Variants in FNDC9 observed in about 807,000 individuals in gnomAD.
The protein encoded by FNDC9 is fibronectin type III domain containing 9.
In FNDC9, 3 loss-of-function variants were observed where a neutral mutation model predicts 9.0. That is an observed-to-expected ratio of 0.33 (90% CI 0.15 to 0.86). FNDC9 has a LOEUF of 0.86. Among genes scored for constraint, FNDC9 ranks in the 40% least tolerant of loss-of-function variants. The pLI is 0.53. For missense variants in FNDC9, 279 were observed against 287.2 expected (o/e 0.97, Z 0.21); for synonymous variants, 114 against 115.6 (o/e 0.99, Z 0.09).
rs1018243503 is a variant in FNDC9, at chr5:157,341,789, A to C, written c.*1073T>G. ...CTGTGATTCTGGGATTTTGTGCTCT[A>C]TAGATATAAGAGGGTACTGGGAAGG... On this transcript the variant is annotated 3_prime_UTR_variant, in exon 2 of 2. Transcript: ENST00000312349. 6.5e-6 allele frequency: 1 copy of C among 155,026 alleles called. No individual in the cohort carries two copies. Among genetic ancestry groups the C allele is most frequent in the Non-Finnish European group, 1.4e-5 (1 of 70,100 alleles). The allele number at this position is 155,026 out of a possible 1,614,324, so 9.6% of individuals were successfully genotyped here.
At position 157,343,109 on chromosome 5, in the gene FNDC9, G is replaced by A. The variant is rs144888112; in HGVS notation, c.428C>T (p.Pro143Leu). ...GTGGCCAGCCCTGTAAGACCATCGCGGCTCATGGCAACGGACACACCAGAA... is the reference window on the plus strand; with the variant it reads ...GTGGCCAGCCCTGTAAGACCATCGCAGCTCATGGCAACGGACACACCAGAA... ...LQFWCVRCHEPRWSYRAGHME... is the reference protein window; with the variant it reads ...LQFWCVRCHELRWSYRAGHME... Residue 143 changes from proline (P) to leucine (L), a missense_variant, in exon 2 of 2, where the codon CCG becomes CTG. Transcript: ENST00000312349. 8.0e-4 allele frequency: 1,284 copies of A among 1,614,168 alleles called. No individual in the cohort carries two copies. Among genetic ancestry groups the A allele is most frequent in the Non-Finnish European group, 9.9e-4 (1,169 of 1,180,012 alleles).
In FNDC9 at chr5:157,342,641, C is replaced by T. The variant is rs10037386; in HGVS notation, c.*221G>A. 0.1 allele frequency: 47,749 copies of T among 474,388 alleles called. 2,638 individuals carry two copies. Among genetic ancestry groups the T allele is most frequent in the South Asian group, 0.12 (2,278 of 18,562 alleles). The allele number at this position is 474,388 out of a possible 1,614,324, so 29.4% of individuals were successfully genotyped here. A position where few individuals can be genotyped will look rare whatever the true frequency, so the allele number is the denominator to read the frequency against. ...TTCTTAACTGTGTCCTCCGAGTGGA[C>T]GCTGCTGCTGAGATGCCTCGTTTGT... On this transcript the variant is annotated 3_prime_UTR_variant, in exon 2 of 2. Coordinates refer to ENST00000312349, the MANE Select transcript of FNDC9 (RefSeq NM_001001343.4).
In FNDC9 at chr5:157,342,007, C is replaced by T. The variant is rs1017749528; in HGVS notation, c.*855G>A. On this transcript the variant is annotated 3_prime_UTR_variant, in exon 2 of 2. Transcript: ENST00000312349. The stretch of plus-strand genomic sequence containing the variant: ...TTTCGATTCTCTTTCAAACCTTATG[C>T]TATATCAAGGAGAAAGACAAATATT... The T allele has an allele frequency of 6.6e-6, 1 of 152,578 alleles. No individual in the cohort carries two copies. Among genetic ancestry groups the T allele is most frequent in the African/African-American group, 2.4e-5 (1 of 41,444 alleles). The allele number at this position is 152,578 out of a possible 1,614,324, so 9.5% of individuals were successfully genotyped here.
At chr5:157,344,914 G>A (rs1762568665) in intron 1 of FNDC9, among the ~76,000 whole-genome samples, 1 of 152,216 alleles carries the variant, frequency 6.6e-6, no homozygotes, top group Non-Finnish European at 1.5e-5. Context: ...CTGCAGAAAG[G>A]TGCACAGCAT....
rs1032562323 is a variant in FNDC9 at position 157,342,192 on chromosome 5, C to T, written c.*670G>A. On this transcript the variant is annotated 3_prime_UTR_variant, in exon 2 of 2. Coordinates refer to ENST00000312349, the MANE Select transcript of FNDC9 (RefSeq NM_001001343.4). ...CATGATGTTTATTCTTATGTCTCTT[C>T]CCTTCTGTTTGCAGCAGGAGGGTGC... The T allele has an allele frequency of 1.4e-4, 22 of 152,534 alleles. No homozygotes were observed. The highest frequency in any genetic ancestry group is 5.1e-4 in the African/African-American group (21 of 41,404). The allele number at this position is 152,534 out of a possible 1,614,324, so 9.4% of individuals were successfully genotyped here. A position where few individuals can be genotyped will look rare whatever the true frequency, so the allele number is the denominator to read the frequency against.
intron 1 of FNDC9, among the ~76,000 whole-genome samples, chr5:157,343,782 G>T (rs927697507): frequency 3.5e-4 from 54 of 152,236 alleles, no homozygotes; most frequent in African/African-American, 1.2e-3. Flanking sequence ...ATGCACCCAT[G>T]CAATCCCAGC....
Position 157,343,001 on chromosome 5 carries a change from G to A in FNDC9, c.536C>T (p.Pro179Leu), listed in dbSNP as rs1330773693. 5 of 1,614,200 alleles carry A rather than the reference G, an allele frequency of 3.1e-6. No homozygotes were observed. The highest frequency in any genetic ancestry group is 1.7e-5 in the Admixed American group (1 of 60,014). Reference protein sequence around the residue: ...GQREEDLQGLPLVEMPRKNSR... With the variant: ...GQREEDLQGLLLVEMPRKNSR... ...GTTCTTGCGTGGCATTTCCACCAGGGGGAGCCCCTGCAGGTCTTCCTCCCT... is the reference window on the plus strand; with the variant it reads ...GTTCTTGCGTGGCATTTCCACCAGGAGGAGCCCCTGCAGGTCTTCCTCCCT... Residue 179 changes from proline (P) to leucine (L), a missense_variant, in exon 2 of 2, where the codon CCC becomes CTC. Physicochemically the swap from Pro to Leu is moderately conservative, Grantham distance 98. Coordinates refer to ENST00000312349, the MANE Select transcript of FNDC9 (RefSeq NM_001001343.4).
rs1183344872 is a variant in FNDC9 at position 157,341,950 on chromosome 5, A to G, written c.*912T>C. 6.6e-6 allele frequency: 1 copy of G among 152,286 alleles called. No homozygotes were observed. Among genetic ancestry groups the G allele is most frequent in the Non-Finnish European group, 1.5e-5 (1 of 68,042 alleles). 9.4% of individuals were successfully genotyped at this position (152,286 alleles called of 1,614,324 possible). A position where few individuals can be genotyped will look rare whatever the true frequency, so the allele number is the denominator to read the frequency against. ...TTCACAGACATGGCATTTAACTAAC[A>G]CTGACTCGCAAAGTAAAAACAGCAC... On this transcript the variant is annotated 3_prime_UTR_variant, in exon 2 of 2. Transcript: ENST00000312349.
chr5:157,344,096 T>A (rs1762503219), intron 1 of FNDC9, among the ~76,000 whole-genome samples: 1 of 152,214 alleles, frequency 6.6e-6, no homozygotes, highest in South Asian at 2.1e-4. Flanking sequence ...TTCGTCACTC[T>A]TTGGCAGCTG....
chr5:157,342,718 G>T lies in FNDC9; in HGVS notation c.*144C>A. On this transcript the variant is annotated 3_prime_UTR_variant, in exon 2 of 2. Transcript: ENST00000312349. The stretch of plus-strand genomic sequence containing the variant: ...TTTCCAGCTTGAGAAGCTTTGTCAT[G>T]GGGCATTCATCCAACCCAGGTGACC... 1 of 786,244 alleles carries T rather than the reference G, an allele frequency of 1.3e-6. No homozygotes were observed. The highest frequency in any genetic ancestry group is 1.9e-6 in the Non-Finnish European group (1 of 513,826). 48.7% of individuals were successfully genotyped at this position (786,244 alleles called of 1,614,324 possible). A position where few individuals can be genotyped will look rare whatever the true frequency, so the allele number is the denominator to read the frequency against.
intron 1 of FNDC9, 128 bp from the exon 2 acceptor site, chr5:157,343,671 A>G (rs1398425410): frequency 2.6e-6 from 2 of 773,134 alleles, no homozygotes; most frequent in Non-Finnish European, 4.0e-6. Context: ...AGACAAAGAA[A>G]TGGAGGCCGA....
Position 157,343,557 on chromosome 5 carries a change from C to T in FNDC9, c.-7-14G>A. 1 of 1,532,124 alleles carries T rather than the reference C, an allele frequency of 6.5e-7. No homozygotes were observed. Among genetic ancestry groups the T allele is most frequent in the South Asian group, 1.3e-5 (1 of 79,242 alleles). 94.9% of individuals were successfully genotyped at this position (1,532,124 alleles called of 1,614,324 possible). A position where few individuals can be genotyped will look rare whatever the true frequency, so the allele number is the denominator to read the frequency against. Reference sequence around the variant, plus strand: ...TTCATCCCGATTCTGGAACCAGAATCAAAGTGAAGAGTGACATCCCCTGAT... The same window carrying T: ...TTCATCCCGATTCTGGAACCAGAATTAAAGTGAAGAGTGACATCCCCTGAT... On this transcript the variant is annotated splice_polypyrimidine_tract_variant and intron_variant, in intron 1 of 1. Coordinates refer to ENST00000312349, the MANE Select transcript of FNDC9 (RefSeq NM_001001343.4).
rs1425548360 is a variant in FNDC9 at position 157,343,191 on chromosome 5, G to T, written c.346C>A (p.Leu116Met). 1 of 1,614,220 alleles carries T rather than the reference G, an allele frequency of 6.2e-7. No homozygotes were observed. Among genetic ancestry groups the T allele is most frequent in the Non-Finnish European group, 8.5e-7 (1 of 1,180,034 alleles). The change falls in exon 2 of 2, where the codon CTG becomes ATG. Residue 116 changes from leucine to methionine, a missense_variant. Leu to Met is a conservative substitution (Grantham distance 15). Transcript: ENST00000312349. ...LVDPQISLWV[L>M]MAILLACFTA... ...AAGCAGGCCAGCAGAATGGCCATCA[G>T]CACCCAAAGGGAGATCTGGGGGTCT... is the stretch of plus-strand genomic sequence containing the variant.
chr5:157,342,504 C>T lies in FNDC9; in HGVS notation c.*358G>A. ...CCAAAAGTGTACCTCTGAGAGCCTACTTGTAACTCAAGTGTTTCCTTCAAG... is the reference window on the plus strand; with the variant it reads ...CCAAAAGTGTACCTCTGAGAGCCTATTTGTAACTCAAGTGTTTCCTTCAAG... On this transcript the variant is annotated 3_prime_UTR_variant, in exon 2 of 2. Coordinates refer to ENST00000312349, the MANE Select transcript of FNDC9 (RefSeq NM_001001343.4). 1 of 180,544 alleles carries T rather than the reference C, an allele frequency of 5.5e-6. No individual in the cohort carries two copies. Among genetic ancestry groups the T allele is most frequent in the Non-Finnish European group, 1.1e-5 (1 of 87,116 alleles). The allele number at this position is 180,544 out of a possible 1,614,324, so 11.2% of individuals were successfully genotyped here.
Position 157,342,738 on chromosome 5 carries a change from G to C in FNDC9, c.*124C>G. On this transcript the variant is annotated 3_prime_UTR_variant, in exon 2 of 2. Transcript: ENST00000312349. Reference sequence around the variant, plus strand: ...GTCATGGGGCATTCATCCAACCCAGGTGACCTACAATAGCAGTGACGTTTG... The same window carrying C: ...GTCATGGGGCATTCATCCAACCCAGCTGACCTACAATAGCAGTGACGTTTG... 1.0e-6 allele frequency: 1 copy of C among 978,312 alleles called. No homozygotes were observed. Among genetic ancestry groups the C allele is most frequent in the African/African-American group, 1.6e-5 (1 of 61,040 alleles). The allele number at this position is 978,312 out of a possible 1,614,324, so 60.6% of individuals were successfully genotyped here.
chr5:157,345,302 A>G (rs1038466429), intron 1 of FNDC9: 22 of 152,480 alleles, frequency 1.4e-4, no homozygotes, highest in African/African-American at 5.1e-4. Flanking sequence ...CCTATCTGCC[A>G]CTAGCTGTCT....
Position 157,343,470 on chromosome 5 carries a change from AG to A in FNDC9, c.66del (p.Cys23AlafsTer85). 1 of 1,607,842 alleles carries A rather than the reference AG, an allele frequency of 6.2e-7. No homozygotes were observed. Among genetic ancestry groups the A allele is most frequent in the Non-Finnish European group, 8.5e-7 (1 of 1,174,774 alleles). On this transcript the variant is annotated frameshift_variant, in exon 2 of 2. Transcript: ENST00000312349. LOFTEE classifies it high-confidence loss of function. ...GAIISWSSSEPCLEDYYHIMY... is the reference protein window; with the variant it reads ...GAIISWSSSEXCLEDYYHIMY... The stretch of plus-strand genomic sequence containing the variant: ...ATAATATGGTAATAGTCCTCCAGGC[AG>A]GGCTCCGAGGACGACCAGGAGATGA...
In FNDC9 at chr5:157,342,895, G is replaced by C; in HGVS notation, c.642C>G (p.Asp214Glu). 1 of 1,613,852 alleles carries C rather than the reference G, an allele frequency of 6.2e-7. No individual in the cohort carries two copies. ...CACAATGAGGCAGTATAGCGGGTGG[G>C]TCACCACCCCCCCTCTGTAAGGCAC... ...DAGALQRGGG[D>E]PPAILPHCGE The change falls in exon 2 of 2, where the codon GAC (aspartate) becomes GAG (glutamate). Residue 214 changes from aspartate (D) to glutamate (E), a missense_variant. Coordinates refer to ENST00000312349, the MANE Select transcript of FNDC9 (RefSeq NM_001001343.4).
chr5:157,343,304 C>A lies in FNDC9; in HGVS notation c.233G>T (p.Cys78Phe). The change falls in exon 2 of 2, where the codon TGT (cysteine) becomes TTT (phenylalanine). Residue 78 changes from cysteine (C) to phenylalanine (F), a missense_variant. Coordinates refer to ENST00000312349, the MANE Select transcript of FNDC9 (RefSeq NM_001001343.4). ...PSTLYFLCIS[C>F]KKAAFPYRHY... ...CCTGTAAGGGAAGGCAGCCTTCTTA[C>A]AGCTGATGCACAGGAAGTAGAGAGT... 1 of 1,614,194 alleles carries A rather than the reference C, an allele frequency of 6.2e-7. No individual in the cohort carries two copies.
Sources: allele counts gnomAD v4.1 joint callset (sites outside exome capture counted in the v4.1 genomes callset), GRCh38; gene constraint gnomAD v4.1.1; transcripts MANE v1.5; gene names NCBI Gene and HGNC (gene_info 2026-07-23, HGNC 2026-07-21).